Variants in NAALADL2 observed in about 807,000 individuals in gnomAD.
The protein encoded by NAALADL2 is N-acetylated alpha-linked acidic dipeptidase like 2.
Under a neutral mutation model 87.2 loss-of-function variants are expected in NAALADL2, and 76 were observed. That is an observed-to-expected ratio of 0.87 (90% CI 0.72 to 1.05). The LOEUF (loss-of-function observed/expected upper bound fraction) is 1.05, where lower values mean the gene tolerates loss of function less well. NAALADL2 is among the 50% of genes least tolerant of loss of function. The pLI is 0.00. For missense variants in NAALADL2, 1,089 were observed against 945.8 expected (o/e 1.15, Z -1.99); for synonymous variants, 354 against 331.0 (o/e 1.07, Z -0.75).
chr3:175,722,760 A>C (rs897101364), intron 11 of NAALADL2, among the ~76,000 whole-genome samples: 1 of 152,156 alleles, frequency 6.6e-6, no homozygotes, highest in African/African-American at 2.4e-5. Flanking sequence ...ATCTATTCAC[A>C]GTTACAGTGA....
intron 4 of NAALADL2, among the ~76,000 whole-genome samples, chr3:175,300,628 G>A (rs973484119): frequency 1.3e-5 from 2 of 151,730 alleles, no homozygotes; most frequent in African/African-American, 2.4e-5. Context: ...GGGATCAGTG[G>A]TGATCCCCCC....
intron 3 of NAALADL2, among the ~76,000 whole-genome samples, chr3:174,782,747 G>A (rs1449499616): frequency 1.3e-5 from 2 of 151,982 alleles, no homozygotes; most frequent in Non-Finnish European, 2.9e-5. Context: ...TGGCGAGAGA[G>A]GTGCCGCGCA....
intron 1 of NAALADL2, among the ~76,000 whole-genome samples, chr3:174,881,069 A>C (rs924162688): frequency 5.9e-5 from 9 of 152,224 alleles, no homozygotes; most frequent in Admixed American, 2.6e-4. Context: ...CAGAACCCAC[A>C]CTAAATCCAA....
chr3:174,788,120 A>C (rs1420606311), intron 3 of NAALADL2, among the ~76,000 whole-genome samples: 1 of 152,166 alleles, frequency 6.6e-6, no homozygotes, highest in Non-Finnish European at 1.5e-5. Flanking sequence ...AGTTACTTGA[A>C]TATGAATTCA....
chr3:175,478,671 G>A (rs1308211511), intron 9 of NAALADL2, among the ~76,000 whole-genome samples: 1 of 151,864 alleles, frequency 6.6e-6, no homozygotes, highest in Non-Finnish European at 1.5e-5. Context: ...AATGGCTTAA[G>A]CTGAGTTACT....
At chr3:175,698,860 A>G (rs1353303386) in intron 11 of NAALADL2, among the ~76,000 whole-genome samples, 1 of 151,886 alleles carries the variant, frequency 6.6e-6, no homozygotes, top group Non-Finnish European at 1.5e-5. Context: ...CATTATTTCA[A>G]ATACATACTA....
intron 5 of NAALADL2, among the ~76,000 whole-genome samples, chr3:175,346,987 A>G (rs912921821): frequency 7.4e-5 from 9 of 120,872 alleles, no homozygotes; most frequent in Non-Finnish European, 1.9e-5. Context: ...CTTGCGAGAC[A>G]AGTATTACTG....
At chr3:175,714,064 C>T (rs1015911619) in intron 11 of NAALADL2, among the ~76,000 whole-genome samples, 2 of 152,124 alleles carry the variant, frequency 1.3e-5, no homozygotes, top group African/African-American at 4.8e-5. Flanking sequence ...ATGAACTCAT[C>T]CCTTTTTATG....
chr3:174,663,844 A>G (rs977042390), intron 2 of NAALADL2, among the ~76,000 whole-genome samples: 3 of 150,648 alleles, frequency 2.0e-5, no homozygotes, highest in Non-Finnish European at 4.4e-5. Context: ...CTGGAGGGCA[A>G]TGGTGCAATC....
chr3:175,659,586 A>T (rs905300702), intron 11 of NAALADL2, among the ~76,000 whole-genome samples: 4 of 152,188 alleles, frequency 2.6e-5, no homozygotes, highest in African/African-American at 7.2e-5. Context: ...CTTGATGATA[A>T]GTTCAATATT....
At position 174,935,079 on chromosome 3, in the gene NAALADL2, A is replaced by C. The variant is rs1037895065; in HGVS notation, c.43+75629A>C. 3.9e-5 allele frequency among the ~76,000 whole-genome samples: 6 copies of C among 152,312 alleles called. No homozygotes were observed. In the South Asian group the frequency reaches 1.0e-3, roughly 26 times the overall value. On this transcript the variant is annotated intron_variant, in intron 1 of 13. Coordinates refer to ENST00000454872, the MANE Select transcript of NAALADL2 (RefSeq NM_207015.3). ...TAGCTTATGCAACTTCAGACATTTC[A>C]AAAGTTGAAAAGACTCACAAATTCA... is the stretch of plus-strand genomic sequence containing the variant.
rs1046954276 is a variant in NAALADL2, at chr3:175,466,714, C to G, written c.1328-265C>G. Among the ~76,000 whole-genome samples, 13 of 152,166 alleles carry G rather than the reference C, an allele frequency of 8.5e-5. No individual in the cohort carries two copies. The South Asian group carries it at 1.0e-3, about 12-fold the overall frequency. On this transcript the variant is annotated intron_variant, in intron 7 of 13. Transcript: ENST00000454872. ...GGTTTCACTGTGGCATATTTACATG[C>G]TTCATTAATTAATATTCATGTTCTA...
chr3:175,049,800 T>C (rs1755136866), intron 1 of NAALADL2, among the ~76,000 whole-genome samples: 1 of 152,204 alleles, frequency 6.6e-6, no homozygotes, highest in African/African-American at 2.4e-5. Flanking sequence ...CTGGATTCTG[T>C]AATAGAGGAA....
intron 4 of NAALADL2, among the ~76,000 whole-genome samples, chr3:175,290,296 T>C (rs1016928385): frequency 6.6e-6 from 1 of 152,142 alleles, no homozygotes; most frequent in African/African-American, 2.4e-5. Context: ...AATAAACAAT[T>C]TGTAGATATT....
At chr3:174,657,034 CCTT>C (rs1271946996) in intron 2 of NAALADL2, among the ~76,000 whole-genome samples, 6 of 144,404 alleles carry the variant, frequency 4.2e-5, no homozygotes, top group African/African-American at 1.4e-4. Context: ...TTTTTCTTTT[CCTT>C]CTTCTTTTTT....
intron 2 of NAALADL2, among the ~76,000 whole-genome samples, chr3:175,152,281 A>G (rs371588941): frequency 6.6e-6 from 1 of 152,260 alleles, no homozygotes; most frequent in East Asian, 1.9e-4. Context: ...AGATCTAGTT[A>G]TTTGCCCTTG....
chr3:175,486,631 C>T lies in NAALADL2; in HGVS notation c.1653+14873C>T, dbSNP rs200165704. Among the ~76,000 whole-genome samples the T allele has an allele frequency of 1.4e-4, 22 of 152,230 alleles. No homozygotes were observed. The East Asian group carries it at 3.5e-3, about 24-fold the overall frequency. On this transcript the variant is annotated intron_variant, in intron 9 of 13. Coordinates refer to ENST00000454872, the MANE Select transcript of NAALADL2 (RefSeq NM_207015.3). ...GCTTCACAAAGAGAGAGGCCCCACT[C>T]GCTCTCTAGAATGAAACTTTTTAAA...
intron 1 of NAALADL2, among the ~76,000 whole-genome samples, chr3:174,474,206 C>T (rs1268988360): frequency 6.6e-6 from 1 of 152,148 alleles, no homozygotes; most frequent in Non-Finnish European, 1.5e-5. Context: ...TACACATGCT[C>T]TCTAAATAAT....
At chr3:174,571,944 C>T (rs1287543336) in intron 2 of NAALADL2, among the ~76,000 whole-genome samples, 3 of 152,100 alleles carry the variant, frequency 2.0e-5, no homozygotes, top group African/African-American at 2.4e-5. Flanking sequence ...GAATGGATAA[C>T]CCCATTGCCT....
Sources: gnomAD v4.1 joint callset for allele counts (sites outside exome capture counted in the v4.1 genomes callset) on GRCh38, gnomAD v4.1.1 for gene constraint, MANE v1.5 for transcripts, NCBI Gene and HGNC (gene_info 2026-07-23, HGNC 2026-07-21) for gene names.